KCNK5: variants seen among roughly 807,000 people sequenced by gnomAD.
KCNK5 encodes potassium two pore domain channel subfamily K member 5.
A neutral mutation model predicts 32.9 loss-of-function variants in KCNK5; 18 were observed. That is an observed-to-expected ratio of 0.55 (90% CI 0.38 to 0.81). KCNK5 has a LOEUF of 0.81. KCNK5 is among the 30% of genes least tolerant of loss of function. KCNK5 has a pLI of 0.00. For synonymous variants in KCNK5, 276 were observed against 275.3 expected, an observed-to-expected ratio of 1.00 and a Z score of -0.03; for missense variants, 507 against 651.0, an observed-to-expected ratio of 0.78 and a Z score of 2.41.
At chr6:39,226,047 T>G (rs1161005721) in intron 1 of KCNK5, among the ~76,000 whole-genome samples, 2 of 152,178 alleles carry the variant, frequency 1.3e-5, no homozygotes, top group African/African-American at 4.8e-5. Context: ...ATTTTGCAGA[T>G]GAGGAAAGGA....
rs1583701449 is a variant in KCNK5 at position 39,190,842 on chromosome 6, T to G, written c.*48A>C. On this transcript the variant is annotated 3_prime_UTR_variant, in exon 5 of 5. Coordinates refer to ENST00000359534, the MANE Select transcript of KCNK5 (RefSeq NM_003740.4). ...CCGGTCATCTCGGGACACCCTAGGGTGAGGGGGGAAGAGGCCATCAAAGGT... is the reference window on the plus strand; with the variant it reads ...CCGGTCATCTCGGGACACCCTAGGGGGAGGGGGGAAGAGGCCATCAAAGGT... 7.0e-7 allele frequency: 1 copy of G among 1,435,322 alleles called. No individual in the cohort carries two copies. 88.9% of individuals were successfully genotyped at this position (1,435,322 alleles called of 1,614,324 possible). A position where few individuals can be genotyped will look rare whatever the true frequency, so the allele number is the denominator to read the frequency against.
chr6:39,194,086 A>T lies in KCNK5; in HGVS notation c.634+83T>A. On this transcript the variant is annotated intron_variant, in intron 4 of 4. Coordinates refer to ENST00000359534, the MANE Select transcript of KCNK5 (RefSeq NM_003740.4). This position sits in a 1 kb window ranked among gnomAD's most constrained non-coding sequence, Gnocchi z 4.7. ...AGAAGTGCCCAGAACATGGAACCCT[A>T]CCTAGGGCACCCCCAACATAGGTCT... is the stretch of plus-strand genomic sequence containing the variant. 6.7e-7 allele frequency: 1 copy of T among 1,483,430 alleles called. No individual in the cohort carries two copies. The highest frequency in any genetic ancestry group is 9.4e-7 in the Non-Finnish European group (1 of 1,064,814). The allele number at this position is 1,483,430 out of a possible 1,614,324, so 91.9% of individuals were successfully genotyped here.
At chr6:39,199,304 G>A (rs945292052) in intron 1 of KCNK5, among the ~76,000 whole-genome samples, 9 of 152,258 alleles carry the variant, frequency 5.9e-5, no homozygotes, top group Non-Finnish European at 1.2e-4. Context: ...GGTAACTGAA[G>A]AAGGCATTAA....
chr6:39,227,029 T>G (rs958278530), intron 1 of KCNK5, among the ~76,000 whole-genome samples: 1 of 152,114 alleles, frequency 6.6e-6, no homozygotes, highest in Non-Finnish European at 1.5e-5. Flanking sequence ...GGCATTTTGT[T>G]TGTTCAAATA....
At position 39,194,475 on chromosome 6, in the gene KCNK5, A is replaced by G; in HGVS notation, c.465+119T>C. Reference sequence around the variant, plus strand: ...TGACCCGGGAGGGCAAGGAGCTCTGAAACTATCCTCTTGCCATCTGTCCTT... The same window carrying G: ...TGACCCGGGAGGGCAAGGAGCTCTGGAACTATCCTCTTGCCATCTGTCCTT... On this transcript the variant is annotated intron_variant, in intron 3 of 4. Transcript: ENST00000359534. This position sits in a 1 kb window ranked among gnomAD's most constrained non-coding sequence, Gnocchi z 4.7. 7.0e-7 allele frequency: 1 copy of G among 1,429,204 alleles called. No individual in the cohort carries two copies. The highest frequency in any genetic ancestry group is 2.3e-5 in the East Asian group (1 of 43,708). The allele number at this position is 1,429,204 out of a possible 1,614,324, so 88.5% of individuals were successfully genotyped here. A position where few individuals can be genotyped will look rare whatever the true frequency, so the allele number is the denominator to read the frequency against.
At chr6:39,195,164 C>G (rs1771007178) in intron 2 of KCNK5, among the ~76,000 whole-genome samples, 1 of 152,218 alleles carries the variant, frequency 6.6e-6, no homozygotes, top group South Asian at 2.1e-4. Flanking sequence ...GTCATCTAAT[C>G]CTCTTCCCTT....
Position 39,226,169 on chromosome 6 carries a change from A to T in KCNK5, c.186+2757T>A, listed in dbSNP as rs1316059770. Among the ~76,000 whole-genome samples, 3 of 152,298 alleles carry T rather than the reference A, an allele frequency of 2.0e-5. No homozygotes were observed. In the East Asian group the frequency reaches 5.8e-4, roughly 30 times the overall value. On this transcript the variant is annotated intron_variant, in intron 1 of 4. Transcript: ENST00000359534. ...TAATAGCACCCACAATGCCCAACAC[A>T]GAGTAGGTGTGCTGTAAATGTTAAC...
chr6:39,216,419 C>T (rs775470858), intron 1 of KCNK5, among the ~76,000 whole-genome samples: 49 of 152,184 alleles, frequency 3.2e-4, no homozygotes, highest in African/African-American at 1.1e-3. Context: ...AGCTAACACG[C>T]GCACGGGGCA....
chr6:39,204,314 C>G (rs1023736929), intron 1 of KCNK5, among the ~76,000 whole-genome samples: 4 of 152,252 alleles, frequency 2.6e-5, no homozygotes, highest in Non-Finnish European at 5.9e-5. Context: ...CAGCTCAGCT[C>G]TGCCAGTACT....
chr6:39,207,926 T>C (rs1168202353), intron 1 of KCNK5, among the ~76,000 whole-genome samples: 1 of 152,128 alleles, frequency 6.6e-6, no homozygotes, highest in Non-Finnish European at 1.5e-5. Context: ...CTGACCCTTG[T>C]GCCACATTTG....
At chr6:39,202,512 T>A (rs1394544528) in intron 1 of KCNK5, among the ~76,000 whole-genome samples, 2 of 151,426 alleles carry the variant, frequency 1.3e-5, no homozygotes, top group Non-Finnish European at 2.9e-5. Flanking sequence ...GAGGAGAGGG[T>A]TCAAGATGGG....
At position 39,194,691 on chromosome 6, in the gene KCNK5, A is replaced by G. The variant is rs748264651; in HGVS notation, c.368T>C (p.Val123Ala). Residue 123 changes from valine (V) to alanine (A), a missense_variant, in exon 3 of 5, where the codon GTG becomes GCG. Around this residue, in one of 6 missense-constraint regions of KCNK5, gnomAD observed 143 missense variants for 219.1 expected, o/e 0.65. Coordinates refer to ENST00000359534, the MANE Select transcript of KCNK5 (RefSeq NM_003740.4). This position sits in a 1 kb window ranked among gnomAD's most constrained non-coding sequence, Gnocchi z 4.7. The stretch of plus-strand genomic sequence containing the variant: ...ACTGATCCACGTCAGGCAGAGCGGC[A>G]CCCCGAAGAGACCATAGAAAACACA... ...LFCVFYGLFG[V>A]PLCLTWISAL... 6.2e-7 allele frequency: 1 copy of G among 1,614,048 alleles called. No homozygotes were observed. Among genetic ancestry groups the G allele is most frequent in the African/African-American group, 1.3e-5 (1 of 74,998 alleles).
chr6:39,222,888 GAGA>G (rs758910443), intron 1 of KCNK5, among the ~76,000 whole-genome samples: 3 of 152,222 alleles, frequency 2.0e-5, no homozygotes, highest in Non-Finnish European at 4.4e-5. Flanking sequence ...GGTAGAGAGG[GAGA>G]AGAATTGTTG....
At chr6:39,192,298 A>AAAAG (rs1222764907) in intron 4 of KCNK5, among the ~76,000 whole-genome samples, 8 of 151,092 alleles carry the variant, frequency 5.3e-5, no homozygotes, top group African/African-American at 1.9e-4. Flanking sequence ...AAAAAAAAAA[A>AAAAG]AAAAAAAAAA....
intron 1 of KCNK5, among the ~76,000 whole-genome samples, chr6:39,206,154 G>GCA (rs139225081): frequency 0.099 from 15,142 of 152,224 alleles, 1,119 homozygotes; most frequent in African/African-American, 0.2. Context: ...TGGTGACCCA[G>GCA]CAGAGCAGGT....
intron 1 of KCNK5, among the ~76,000 whole-genome samples, chr6:39,211,950 G>A (rs1464814571): frequency 6.6e-6 from 1 of 151,318 alleles, no homozygotes; most frequent in East Asian, 1.9e-4. Flanking sequence ...GACAACAAGA[G>A]CAAAACTCTG....
At chr6:39,213,800 C>G (rs760816937) in intron 1 of KCNK5, among the ~76,000 whole-genome samples, 18 of 151,994 alleles carry the variant, frequency 1.2e-4, no homozygotes, top group Non-Finnish European at 2.6e-4. Flanking sequence ...CCAGTCTGGT[C>G]AACATAGTGA....
chr6:39,208,458 T>A (rs1771267635), intron 1 of KCNK5, among the ~76,000 whole-genome samples: 2 of 152,276 alleles, frequency 1.3e-5, no homozygotes, highest in African/African-American at 2.4e-5. Flanking sequence ...CCCTGCAGGA[T>A]CCTCCTGAGA....
At chr6:39,201,952 C>T (rs780867768) in intron 1 of KCNK5, among the ~76,000 whole-genome samples, 8 of 152,274 alleles carry the variant, frequency 5.3e-5, no homozygotes, top group Admixed American at 1.3e-4. Context: ...TGGCTTCTAA[C>T]CTCTGCACTA....
Sources: gnomAD v4.1 joint callset for allele counts (sites outside exome capture counted in the v4.1 genomes callset) on GRCh38, gnomAD v4.1.1 for gene constraint, gnomAD v4.1.1 regional missense constraint, Gnocchi (gnomAD v3.1) non-coding constraint, MANE v1.5 for transcripts, NCBI Gene and HGNC (gene_info 2026-07-23, HGNC 2026-07-21) for gene names.